RGMA: variants seen among roughly 807,000 people sequenced by gnomAD.
RGMA encodes the protein repulsive guidance molecule BMP co-receptor a, also known as repulsive guidance molecule A.
RGMA carries 10 observed loss-of-function variants against 23.2 expected under a neutral mutation model. That is an observed-to-expected ratio of 0.43 (90% confidence interval 0.27 to 0.73). The LOEUF (loss-of-function observed/expected upper bound fraction) is 0.73. RGMA is among the 30% of genes least tolerant of loss of function. The pLI is 0.20. For missense variants in RGMA, 547 were observed against 630.5 expected (o/e 0.87, Z 1.42); for synonymous variants, 308 against 279.3 (o/e 1.10, Z -1.03).
intron 2 of RGMA, among the ~76,000 whole-genome samples, chr15:93,070,323 G>A (rs1414856504): frequency 6.6e-6 from 1 of 152,212 alleles, no homozygotes; most frequent in Non-Finnish European, 1.5e-5. Flanking sequence ...CATTCAAGCT[G>A]ACTAGCACAG....
chr15:93,056,217 T>C (rs537374738), intron 2 of RGMA, among the ~76,000 whole-genome samples: 2 of 152,278 alleles, frequency 1.3e-5, no homozygotes, highest in East Asian at 1.9e-4. Flanking sequence ...TAGTGCCTGA[T>C]GGAGCCGGGC....
chr15:93,043,213 C>G lies in RGMA; in HGVS notation c.*1785G>C, dbSNP rs1365874225. On this transcript the variant is annotated 3_prime_UTR_variant, in exon 4 of 4. Coordinates refer to ENST00000329082, the MANE Select transcript of RGMA (RefSeq NM_020211.3). ...GCACACACATAGGCATGGGCGCACA[C>G]ACAGGCATGCGCACACATGCGTACA... The G allele has an allele frequency of 6.6e-6, 1 of 151,718 alleles. No homozygotes were observed. Among genetic ancestry groups the G allele is most frequent in the East Asian group, 1.9e-4 (1 of 5,190 alleles). The allele number at this position is 151,718 out of a possible 1,614,324, so 9.4% of individuals were successfully genotyped here. A position where few individuals can be genotyped will look rare whatever the true frequency, so the allele number is the denominator to read the frequency against.
intron 2 of RGMA, among the ~76,000 whole-genome samples, chr15:93,056,825 G>A (rs973355400): frequency 2.0e-5 from 3 of 152,168 alleles, no homozygotes; most frequent in Admixed American, 6.5e-5. Flanking sequence ...TTAAAGGGTC[G>A]CTGAGGATAT....
At position 93,045,205 on chromosome 15, in the gene RGMA, G is replaced by A; in HGVS notation, c.1146C>T (p.Leu382=). 6.2e-7 allele frequency: 1 copy of A among 1,611,522 alleles called. No individual in the cohort carries two copies. The change falls in exon 4 of 4, where the codon CTC becomes CTT. Residue 382 remains leucine, a synonymous_variant. Coordinates refer to ENST00000329082, the MANE Select transcript of RGMA (RefSeq NM_020211.3). This position sits in a 1 kb window ranked among gnomAD's most constrained non-coding sequence, Gnocchi z 6.9. ...DLYYQACVFD[L]LTTGDVNFTL... is the part of the protein sequence containing the mutation. ...TGAAGTTCACGTCGCCCGTGGTGAG[G>A]AGGTCGAAGACGCAGGCCTGGTAGT... is the stretch of plus-strand genomic sequence containing the variant.
intron 1 of RGMA, 177 bp downstream of exon 1, chr15:93,088,742 C>A (rs1741839332): frequency 1.3e-6 from 1 of 759,048 alleles, no homozygotes; most frequent in African/African-American, 1.9e-5. Flanking sequence ...CAAAAACTTT[C>A]CTGCTGCCAA....
chr15:93,088,995 G>A lies in RGMA; in HGVS notation c.-63C>T, dbSNP rs1895689957. ...CTGCGGGAGAAGAGGGGGTGTCGGG[G>A]CGCCGCTCGTCTGCCCCGGGGCAAG... On this transcript the variant is annotated 5_prime_UTR_variant, in exon 1 of 4. Coordinates refer to ENST00000329082, the MANE Select transcript of RGMA (RefSeq NM_020211.3). 4 of 1,186,674 alleles carry A rather than the reference G, an allele frequency of 3.4e-6. No individual in the cohort carries two copies. Among genetic ancestry groups the A allele is most frequent in the South Asian group, 1.9e-5 (1 of 53,654 alleles). The allele number at this position is 1,186,674 out of a possible 1,614,324, so 73.5% of individuals were successfully genotyped here. A position where few individuals can be genotyped will look rare whatever the true frequency, so the allele number is the denominator to read the frequency against.
At chr15:93,078,759 G>T (rs1026777731) in intron 1 of RGMA, among the ~76,000 whole-genome samples, 1 of 152,244 alleles carries the variant, frequency 6.6e-6, no homozygotes, top group African/African-American at 2.4e-5. Flanking sequence ...GGTTTGGGTA[G>T]AGCCCAGGTA....
chr15:93,088,466 G>T, intron 1 of RGMA: 1 of 987,254 alleles, frequency 1.0e-6, no homozygotes, highest in Non-Finnish European at 1.2e-6. Context: ...GCACTGCGCC[G>T]ACATCCCCGA....
At position 93,044,638 on chromosome 15, in the gene RGMA, C is replaced by T; in HGVS notation, c.*360G>A. On this transcript the variant is annotated 3_prime_UTR_variant, in exon 4 of 4. Coordinates refer to ENST00000329082, the MANE Select transcript of RGMA (RefSeq NM_020211.3). ...GCGAGCAGCAGTCGGCCGGGCCTTTCAGTGCATTGCGAGGGGGAAGGAGCT... is the reference window on the plus strand; with the variant it reads ...GCGAGCAGCAGTCGGCCGGGCCTTTTAGTGCATTGCGAGGGGGAAGGAGCT... 1 of 319,172 alleles carries T rather than the reference C, an allele frequency of 3.1e-6. No homozygotes were observed. Among genetic ancestry groups the T allele is most frequent in the Non-Finnish European group, 5.8e-6 (1 of 171,206 alleles). The allele number at this position is 319,172 out of a possible 1,614,324, so 19.8% of individuals were successfully genotyped here. A position where few individuals can be genotyped will look rare whatever the true frequency, so the allele number is the denominator to read the frequency against.
chr15:93,055,422 C>T (rs563450963), intron 2 of RGMA, among the ~76,000 whole-genome samples: 1 of 152,272 alleles, frequency 6.6e-6, no homozygotes, highest in South Asian at 2.1e-4. Context: ...ACAGGCCTCC[C>T]CTCATTGCAT....
intron 1 of RGMA, among the ~76,000 whole-genome samples, chr15:93,088,006 A>C (rs1895667663): frequency 1.3e-5 from 2 of 152,152 alleles, no homozygotes; most frequent in African/African-American, 4.8e-5. Flanking sequence ...AGGAATGCAC[A>C]GCTCACCACT....
intron 2 of RGMA, chr15:93,065,997 C>T: frequency 3.9e-6 from 5 of 1,279,382 alleles, no homozygotes; most frequent in East Asian, 2.4e-5. Context: ...AGTCTTTGGC[C>T]CGTTCCCCTT....
chr15:93,061,876 C>T (rs1268044897), intron 2 of RGMA, among the ~76,000 whole-genome samples: 3 of 152,128 alleles, frequency 2.0e-5, no homozygotes, highest in African/African-American at 7.2e-5. Context: ...CCCAATAAGA[C>T]TTATTTTGCA....
chr15:93,077,777 G>A (rs370953813), intron 1 of RGMA, among the ~76,000 whole-genome samples: 2 of 152,280 alleles, frequency 1.3e-5, no homozygotes, highest in African/African-American at 2.4e-5. Context: ...GTGCGACCTC[G>A]GCTCACTGCA....
At chr15:93,067,417 T>C (rs1157878285) in intron 2 of RGMA, among the ~76,000 whole-genome samples, 2 of 152,114 alleles carry the variant, frequency 1.3e-5, no homozygotes, top group African/African-American at 2.4e-5. Context: ...AAGAAGGGCA[T>C]ATAGAAACAG....
At chr15:93,088,422 G>A (rs1895677515) in intron 1 of RGMA, 2 of 985,630 alleles carry the variant, frequency 2.0e-6, no homozygotes, top group Non-Finnish European at 2.4e-6. Context: ...GGCGCGCCGA[G>A]GCAAAGGGCC....
At chr15:93,064,475 C>T (rs1374369689) in intron 2 of RGMA, among the ~76,000 whole-genome samples, 1 of 152,180 alleles carries the variant, frequency 6.6e-6, no homozygotes, top group African/African-American at 2.4e-5. Flanking sequence ...GCTTTTCTCC[C>T]TCAATGCTGC....
chr15:93,082,652 A>G (rs529246982), intron 1 of RGMA, among the ~76,000 whole-genome samples: 1 of 152,386 alleles, frequency 6.6e-6, no homozygotes, highest in Non-Finnish European at 1.5e-5. Context: ...TTAGAGATAT[A>G]CTGTTTTCCA....
Position 93,044,801 on chromosome 15 carries a change from G to C in RGMA, c.*197C>G, listed in dbSNP as rs971820485. On this transcript the variant is annotated 3_prime_UTR_variant, in exon 4 of 4. Transcript: ENST00000329082. ...ACACAGCTCTACTGTCAAACATCAT[G>C]GCACCAGTCACCACAACCTTGTCAC... 6 of 599,316 alleles carry C rather than the reference G, an allele frequency of 1.0e-5. No individual in the cohort carries two copies. Among genetic ancestry groups the C allele is most frequent in the South Asian group, 2.0e-5 (1 of 49,728 alleles). The allele number at this position is 599,316 out of a possible 1,614,324, so 37.1% of individuals were successfully genotyped here. A position where few individuals can be genotyped will look rare whatever the true frequency, so the allele number is the denominator to read the frequency against.
Sources: gnomAD v4.1 joint callset for allele counts (sites outside exome capture counted in the v4.1 genomes callset) on GRCh38, gnomAD v4.1.1 for gene constraint, Gnocchi (gnomAD v3.1) non-coding constraint, MANE v1.5 for transcripts, NCBI Gene and HGNC (gene_info 2026-07-23, HGNC 2026-07-21) for gene names.